The following RIPOR3 variants were observed in gnomAD, a reference collection of about 807,000 sequenced individuals.
RIPOR3 encodes the protein RIPOR family member 3, also known as family with sequence similarity 65 member C.
Under a neutral mutation model 114.3 loss-of-function variants are expected in RIPOR3, and 95 were observed. The observed-to-expected ratio is 0.83, with a 90% confidence interval of 0.70 to 0.99. The LOEUF is 0.99. Ranked by LOEUF, RIPOR3 falls within the 50% of genes least tolerant of loss-of-function variation. The pLI is 0.00. For missense variants in RIPOR3, 1,252 were observed against 1,266.9 expected, an observed-to-expected ratio of 0.99 and a Z score of 0.18; for synonymous variants, 575 against 543.8, an observed-to-expected ratio of 1.06 and a Z score of -0.80.
chr20:50,688,371 T>C (rs147832412), intron 1 of RIPOR3, among the ~76,000 whole-genome samples: 69 of 152,190 alleles, frequency 4.5e-4, no homozygotes, highest in African/African-American at 1.6e-3. Context: ...CCCAGGCTGG[T>C]CTCAAACTCT....
chr20:50,684,555 G>T (rs1308305720), intron 1 of RIPOR3, among the ~76,000 whole-genome samples: 1 of 152,146 alleles, frequency 6.6e-6, no homozygotes, highest in African/African-American at 2.4e-5. Context: ...GAACAGAGAA[G>T]GAACTGGATC....
intron 1 of RIPOR3, among the ~76,000 whole-genome samples, chr20:50,646,931 A>T (rs1301183695): frequency 1.3e-5 from 2 of 152,218 alleles, no homozygotes; most frequent in African/African-American, 4.8e-5. Context: ...CCAGGGAAAG[A>T]AGGCTTGCTT....
At chr20:50,629,821 C>A (rs1460607461) in intron 2 of RIPOR3, among the ~76,000 whole-genome samples, 1 of 152,158 alleles carries the variant, frequency 6.6e-6, no homozygotes, top group Non-Finnish European at 1.5e-5. Flanking sequence ...AAGAGGTGGC[C>A]CCATTGCCTA....
intron 1 of RIPOR3, among the ~76,000 whole-genome samples, chr20:50,675,237 C>T (rs2086644870): frequency 6.6e-6 from 1 of 152,210 alleles, no homozygotes; most frequent in African/African-American, 2.4e-5. Context: ...ACCCTGATTT[C>T]AAACTTCTAG....
chr20:50,587,255 C>T lies in RIPOR3; in HGVS notation c.2830G>A (p.Asp944Asn), dbSNP rs1601424358. 2 of 1,614,154 alleles carry T rather than the reference C, an allele frequency of 1.2e-6. No individual in the cohort carries two copies. Among genetic ancestry groups the T allele is most frequent in the Non-Finnish European group, 8.5e-7 (1 of 1,179,944 alleles). ...EQREVFCQEADVEITIF is the reference protein window; with the variant it reads ...EQREVFCQEANVEITIF ...TTTTAAAATATTGTGATTTCAACAT[C>T]TGCCTCCTGGCAAAAGACTTCTCTT... Residue 944 changes from aspartate to asparagine, a missense_variant, in exon 22 of 22, where the codon GAT (aspartate) becomes AAT (asparagine). Coordinates refer to ENST00000327979, the MANE Select transcript of RIPOR3 (RefSeq NM_001290268.2).
intron 3 of RIPOR3, among the ~76,000 whole-genome samples, chr20:50,619,690 A>G (rs1163234048): frequency 1.3e-5 from 2 of 152,176 alleles, no homozygotes; most frequent in African/African-American, 4.8e-5. Context: ...CACAGGTGGA[A>G]GTTCTATGAT....
intron 1 of RIPOR3, among the ~76,000 whole-genome samples, chr20:50,658,112 C>T (rs1036442036): frequency 1.3e-5 from 2 of 152,032 alleles, no homozygotes; most frequent in African/African-American, 4.8e-5. Context: ...CCAAAAGAAG[C>T]GAAAGCAGGG....
intron 1 of RIPOR3, among the ~76,000 whole-genome samples, chr20:50,649,839 G>C (rs908579541): frequency 2.0e-5 from 3 of 152,212 alleles, no homozygotes; most frequent in Non-Finnish European, 2.9e-5. Flanking sequence ...CTTCCAATGG[G>C]GGCAGGGGAT....
chr20:50,690,891 A>G (rs2087190036), intron 1 of RIPOR3, among the ~76,000 whole-genome samples: 1 of 152,174 alleles, frequency 6.6e-6, no homozygotes, highest in South Asian at 2.1e-4. Context: ...TAGTTCAACC[A>G]CTGTTTTAGA....
At chr20:50,610,817 C>A in intron 6 of RIPOR3, 36 bp downstream of exon 6, 4 of 1,613,794 alleles carry the variant, frequency 2.5e-6, no homozygotes, top group Non-Finnish European at 3.4e-6. Context: ...CTGGCACTGC[C>A]CCACCCCACC....
intron 20 of RIPOR3, 83 bp downstream of exon 20, chr20:50,589,601 GGA>G: frequency 7.1e-7 from 1 of 1,406,182 alleles, no homozygotes; most frequent in Non-Finnish European, 9.9e-7. Context: ...CAGCCCCAGT[GGA>G]ATCATTTTGA....
At chr20:50,628,882 C>T (rs2084717730) in intron 2 of RIPOR3, among the ~76,000 whole-genome samples, 1 of 152,184 alleles carries the variant, frequency 6.6e-6, no homozygotes, top group African/African-American at 2.4e-5. Context: ...GGTTAGTGAG[C>T]TGGGAGGGCT....
chr20:50,618,526 T>A (rs1055082327), intron 3 of RIPOR3, among the ~76,000 whole-genome samples: 2 of 152,078 alleles, frequency 1.3e-5, no homozygotes, highest in Non-Finnish European at 2.9e-5. Flanking sequence ...CCTTCAGGAG[T>A]GTGCTCCAAT....
intron 1 of RIPOR3, among the ~76,000 whole-genome samples, chr20:50,631,416 T>A (rs2084818869): frequency 6.6e-6 from 1 of 151,944 alleles, no homozygotes; most frequent in Non-Finnish European, 1.5e-5. Flanking sequence ...AGGGGAAGGG[T>A]GTCTAAGGCC....
At position 50,587,092 on chromosome 20, in the gene RIPOR3, G is replaced by A; in HGVS notation, c.*140C>T. 1.5e-6 allele frequency: 1 copy of A among 667,146 alleles called. No homozygotes were observed. Among genetic ancestry groups the A allele is most frequent in the Non-Finnish European group, 2.6e-6 (1 of 382,346 alleles). 41.3% of individuals were successfully genotyped at this position (667,146 alleles called of 1,614,324 possible). On this transcript the variant is annotated 3_prime_UTR_variant, in exon 22 of 22. Transcript: ENST00000327979. ...CCCATGCCCTGGGGCTGGGTCAATGGCCGGAGTCTCAGGTAGAGCTCTGGG... is the reference window on the plus strand; with the variant it reads ...CCCATGCCCTGGGGCTGGGTCAATGACCGGAGTCTCAGGTAGAGCTCTGGG...
At chr20:50,633,980 C>CA (rs1285272508) in intron 1 of RIPOR3, among the ~76,000 whole-genome samples, 1 of 131,038 alleles carries the variant, frequency 7.6e-6, no homozygotes, top group Non-Finnish European at 1.6e-5. Flanking sequence ...TCTTTCTTTT[C>CA]TTTTTTTTTT....
chr20:50,667,108 A>G (rs1028534636), intron 1 of RIPOR3, among the ~76,000 whole-genome samples: 3 of 152,066 alleles, frequency 2.0e-5, no homozygotes, highest in African/African-American at 4.8e-5. Flanking sequence ...TTTTTAAAGC[A>G]TCAGCATAAA....
At chr20:50,642,689 A>T (rs1185592131) in intron 1 of RIPOR3, among the ~76,000 whole-genome samples, 2 of 150,566 alleles carry the variant, frequency 1.3e-5, no homozygotes, top group African/African-American at 4.9e-5. Context: ...CCTGCTCGCC[A>T]GGACCAATCT....
chr20:50,587,475 GC>G, intron 21 of RIPOR3, 143 bp from the exon 22 acceptor site: 1 of 687,310 alleles, frequency 1.5e-6, no homozygotes, highest in South Asian at 1.7e-5. Flanking sequence ...ATGTGCGGGA[GC>G]CCCCACCTGG....
Sources: allele counts gnomAD v4.1 joint callset (sites outside exome capture counted in the v4.1 genomes callset), GRCh38; gene constraint gnomAD v4.1.1; transcripts MANE v1.5; gene names NCBI Gene and HGNC (gene_info 2026-07-23, HGNC 2026-07-21).